AUTS2: variants seen among roughly 807,000 people sequenced by gnomAD.
AUTS2 encodes autism susceptibility gene 2 protein.
A neutral mutation model predicts 112.4 loss-of-function variants in AUTS2; 17 were observed. The observed-to-expected ratio is 0.15, with a 90% CI of 0.10 to 0.23. The LOEUF (loss-of-function observed/expected upper bound fraction) is 0.23, where lower values mean the gene tolerates loss of function less well. Among genes scored for constraint, AUTS2 ranks in the 10% least tolerant of loss-of-function variants. AUTS2 has a pLI of 1.00. For synonymous variants in AUTS2, 751 were observed against 702.7 expected, an observed-to-expected ratio of 1.07 and a Z score of -1.09; for missense variants, 1,510 against 1,701.6, an observed-to-expected ratio of 0.89 and a Z score of 1.98.
At position 70,321,394 on chromosome 7, in the gene AUTS2, C is replaced by T. The variant is rs530237322; in HGVS notation, c.661-114358C>T. On this transcript the variant is annotated intron_variant, in intron 4 of 18. Coordinates refer to ENST00000342771, the MANE Select transcript of AUTS2 (RefSeq NM_015570.4). ...CTGAACATTTCTTTTCTCTGTTTTG[C>T]AGAATCTTGTTGGCCTCCTTTAAAT... is the stretch of plus-strand genomic sequence containing the variant. Among the ~76,000 whole-genome samples the T allele has an allele frequency of 5.9e-5, 9 of 152,266 alleles. No individual in the cohort carries two copies. In the South Asian group the frequency reaches 1.9e-3, roughly 32 times the overall value.
chr7:70,303,434 G>GCGCGCGCACACACA lies in AUTS2; in HGVS notation c.661-132317_661-132316insGCGCGCACACACAC, dbSNP rs1241517255. 1.2e-3 allele frequency among the ~76,000 whole-genome samples: 167 copies of GCGCGCGCACACACA among 142,044 alleles called. 2 individuals are homozygous for GCGCGCGCACACACA. Among genetic ancestry groups the GCGCGCGCACACACA allele is most frequent in the African/African-American group, 3.9e-3 (147 of 38,076 alleles). The allele number at this position is 142,044 out of a possible 152,430, so 93.2% of individuals were successfully genotyped here. The stretch of plus-strand genomic sequence containing the variant: ...CACGCACACACACACGCGCGCGCGC[G>GCGCGCGCACACACA]CACATACACACACACACACACACAC... On this transcript the variant is annotated intron_variant, in intron 4 of 18. Transcript: ENST00000342771.
chr7:70,338,474 T>G (rs1290460349), intron 4 of AUTS2, among the ~76,000 whole-genome samples: 1 of 152,234 alleles, frequency 6.6e-6, no homozygotes, highest in Admixed American at 6.5e-5. Context: ...TGTGAGATCA[T>G]AGGAAAATTT....
chr7:70,279,553 G>A (rs185921280), intron 4 of AUTS2, among the ~76,000 whole-genome samples: 36 of 152,318 alleles, frequency 2.4e-4, no homozygotes, highest in East Asian at 5.8e-4. Context: ...CCAAATGAGC[G>A]TTGCCCAGAA....
chr7:70,145,224 T>G (rs1476470502), intron 4 of AUTS2, among the ~76,000 whole-genome samples: 1 of 152,158 alleles, frequency 6.6e-6, no homozygotes. Context: ...TCCTCTGTTT[T>G]GGTTATTTAT....
At chr7:70,026,604 C>T (rs2129555929) in intron 2 of AUTS2, among the ~76,000 whole-genome samples, 1 of 152,298 alleles carries the variant, frequency 6.6e-6, no homozygotes, top group Non-Finnish European at 1.5e-5. Flanking sequence ...GGCAGATCAG[C>T]TTCTGTGAGT....
chr7:70,280,047 T>G (rs1259102105), intron 4 of AUTS2, among the ~76,000 whole-genome samples: 1 of 152,132 alleles, frequency 6.6e-6, no homozygotes, highest in Non-Finnish European at 1.5e-5. Flanking sequence ...GAAATGAGAA[T>G]AATAATTCCT....
intron 5 of AUTS2, among the ~76,000 whole-genome samples, chr7:70,535,630 G>A (rs992871923): frequency 6.6e-6 from 1 of 152,040 alleles, no homozygotes; most frequent in East Asian, 1.9e-4. Flanking sequence ...AGCCAGGCTG[G>A]TCTCAAACTC....
intron 1 of AUTS2, among the ~76,000 whole-genome samples, chr7:69,889,974 A>G (rs1216179559): frequency 6.6e-6 from 1 of 152,140 alleles, no homozygotes; most frequent in Non-Finnish European, 1.5e-5. Flanking sequence ...TTTCTGCCTC[A>G]GTCATGCTGT....
At chr7:69,735,485 C>G (rs904551505) in intron 1 of AUTS2, among the ~76,000 whole-genome samples, 1 of 151,054 alleles carries the variant, frequency 6.6e-6, no homozygotes, top group Non-Finnish European at 1.5e-5. Context: ...CTACTTTTTA[C>G]CTTCTAATTA....
At chr7:70,495,944 A>G (rs1299774793) in intron 5 of AUTS2, among the ~76,000 whole-genome samples, 3 of 114,826 alleles carry the variant, frequency 2.6e-5, no homozygotes, top group African/African-American at 1.0e-4. Context: ...ACACACACAC[A>G]CCCCACACAT....
intron 5 of AUTS2, among the ~76,000 whole-genome samples, chr7:70,697,561 C>CG (rs1554464397): frequency 8.5e-5 from 1 of 11,712 alleles, no homozygotes; most frequent in East Asian, 1.4e-3. Flanking sequence ...CTTCAGAATT[C>CG]CCCCCCCCCA....
At chr7:70,415,166 G>A (rs1466054038) in intron 4 of AUTS2, among the ~76,000 whole-genome samples, 2 of 152,158 alleles carry the variant, frequency 1.3e-5, no homozygotes, top group East Asian at 1.9e-4. Context: ...TCTGGCCTTC[G>A]TAGGTCTTTG....
At chr7:70,236,404 G>A (rs528491504) in intron 4 of AUTS2, among the ~76,000 whole-genome samples, 33 of 152,296 alleles carry the variant, frequency 2.2e-4, no homozygotes, top group Middle Eastern at 3.4e-3. Flanking sequence ...ACTGTGCCAG[G>A]TGGAAATGGA....
intron 2 of AUTS2, among the ~76,000 whole-genome samples, chr7:70,094,681 G>A (rs1260145832): frequency 6.6e-6 from 1 of 152,148 alleles, no homozygotes. Context: ...TGGTAGGGTT[G>A]CATGGCAGTA....
chr7:69,672,885 G>A (rs1254717233), intron 1 of AUTS2, among the ~76,000 whole-genome samples: 1 of 152,216 alleles, frequency 6.6e-6, no homozygotes, highest in East Asian at 1.9e-4. Flanking sequence ...CAAAATGCCA[G>A]TTGTGATTTT....
chr7:70,604,243 C>T (rs372336548), intron 5 of AUTS2, among the ~76,000 whole-genome samples: 11 of 152,296 alleles, frequency 7.2e-5, no homozygotes, highest in Admixed American at 1.3e-4. Context: ...TGGTGACTGT[C>T]GCTTGGTTCC....
At chr7:70,690,115 A>G (rs964301962) in intron 5 of AUTS2, among the ~76,000 whole-genome samples, 4 of 152,224 alleles carry the variant, frequency 2.6e-5, no homozygotes, top group African/African-American at 7.2e-5. Flanking sequence ...TAGATAAGGA[A>G]ACTGAGGCAG....
rs79436636 is a variant in AUTS2 at position 70,341,443 on chromosome 7, T to C, written c.661-94309T>C. ...GGCGGAGCCGCTGTGAACAATAGCA[T>C]GTGTAGGCATTTTGTAAATGTTGCC... On this transcript the variant is annotated intron_variant, in intron 4 of 18. Coordinates refer to ENST00000342771, the MANE Select transcript of AUTS2 (RefSeq NM_015570.4). Among the ~76,000 whole-genome samples the C allele has an allele frequency of 8.8e-3, 1,348 of 152,322 alleles. 23 individuals are homozygous for C. Among genetic ancestry groups the C allele is most frequent in the African/African-American group, 0.031 (1,285 of 41,566 alleles).
intron 1 of AUTS2, among the ~76,000 whole-genome samples, chr7:69,892,363 C>G (rs539348785): frequency 6.6e-6 from 1 of 150,610 alleles, no homozygotes; most frequent in Non-Finnish European, 1.5e-5. Context: ...AGGCTGGTCT[C>G]GAACTCCCGA....
Sources: gnomAD v4.1 joint callset for allele counts (sites outside exome capture counted in the v4.1 genomes callset) on GRCh38, gnomAD v4.1.1 for gene constraint, MANE v1.5 for transcripts, NCBI Gene and HGNC (gene_info 2026-07-23, HGNC 2026-07-21) for gene names.